The following KIAA1217 variants were observed in gnomAD, a reference collection of about 807,000 sequenced individuals.
KIAA1217 encodes sickle tail protein homolog.
In KIAA1217, 88 loss-of-function variants were observed where a neutral mutation model predicts 163.9. The observed-to-expected ratio is 0.54, with a 90% CI of 0.45 to 0.64. The LOEUF (loss-of-function observed/expected upper bound fraction) is 0.64, where lower values mean the gene tolerates loss of function less well. KIAA1217 is among the 30% of genes least tolerant of loss of function. The pLI is 0.00. For synonymous variants in KIAA1217, 903 were observed against 923.1 expected (o/e 0.98, Z 0.39); for missense variants, 2,372 against 2,475.0 (o/e 0.96, Z 0.88).
intron 2 of KIAA1217, among the ~76,000 whole-genome samples, chr10:24,260,233 G>A (rs2075587177): frequency 6.6e-6 from 1 of 152,142 alleles, no homozygotes; most frequent in Non-Finnish European, 1.5e-5. Flanking sequence ...TTTGAAGGAT[G>A]AGGAAGGGGA....
Position 24,334,215 on chromosome 10 carries a change from A to G in KIAA1217, c.355-46654A>G, listed in dbSNP as rs560270489. Among the ~76,000 whole-genome samples the G allele has an allele frequency of 6.6e-5, 10 of 152,284 alleles. No individual in the cohort carries two copies. The South Asian group carries it at 2.1e-3, about 32-fold the overall frequency. The stretch of plus-strand genomic sequence containing the variant: ...TCAACTATGCATCAAGATTAGTATT[A>G]GTTTTGGATGACTTAGTCTATTGCA... On this transcript the variant is annotated intron_variant, in intron 2 of 20. Coordinates refer to ENST00000376454, the MANE Select transcript of KIAA1217 (RefSeq NM_019590.5).
chr10:24,131,580 T>A (rs75061079), intron 2 of KIAA1217, among the ~76,000 whole-genome samples: 1,852 of 152,276 alleles, frequency 0.012, 37 homozygotes, highest in African/African-American at 0.043. Flanking sequence ...CCCATAATTA[T>A]GCCCGCTGTA....
At chr10:24,506,925 T>G (rs2068443473) in intron 9 of KIAA1217, among the ~76,000 whole-genome samples, 1 of 152,212 alleles carries the variant, frequency 6.6e-6, no homozygotes, top group Non-Finnish European at 1.5e-5. Context: ...AAGCCAAGCA[T>G]GTACAGTGTG....
chr10:24,507,195 A>G (rs2068484115), intron 9 of KIAA1217, among the ~76,000 whole-genome samples: 1 of 152,232 alleles, frequency 6.6e-6, no homozygotes, highest in Non-Finnish European at 1.5e-5. Context: ...CTGATCCACA[A>G]GTAACTGGAC....
intron 17 of KIAA1217, among the ~76,000 whole-genome samples, chr10:24,538,520 G>A: frequency 7.1e-6 from 1 of 140,766 alleles, no homozygotes; most frequent in African/African-American, 2.6e-5. Context: ...AAGAGAGAGA[G>A]ATATGGAGGG....
chr10:24,464,491 G>T (rs915181648), intron 5 of KIAA1217, among the ~76,000 whole-genome samples: 1 of 152,042 alleles, frequency 6.6e-6, no homozygotes, highest in African/African-American at 2.4e-5. Flanking sequence ...ACCCTTTGTT[G>T]CTTTTTTTTG....
intron 1 of KIAA1217, among the ~76,000 whole-genome samples, chr10:23,781,687 G>C (rs759211082): frequency 6.6e-6 from 1 of 152,166 alleles, no homozygotes; most frequent in African/African-American, 2.4e-5. Context: ...TTTCTTCTGA[G>C]AGTTCTGTGG....
At chr10:23,937,794 G>C (rs1843595026) in intron 1 of KIAA1217, among the ~76,000 whole-genome samples, 1 of 152,140 alleles carries the variant, frequency 6.6e-6, no homozygotes, top group East Asian at 1.9e-4. Flanking sequence ...AAGAAATAAT[G>C]ATTTTCAGAC....
intron 5 of KIAA1217, among the ~76,000 whole-genome samples, chr10:24,457,494 G>A (rs2061928450): frequency 6.6e-6 from 1 of 152,034 alleles, no homozygotes; most frequent in Non-Finnish European, 1.5e-5. Flanking sequence ...GAACTCCTGG[G>A]CTCAAGCCAT....
chr10:24,484,651 C>CT (rs2065163001), intron 6 of KIAA1217, among the ~76,000 whole-genome samples: 1 of 152,054 alleles, frequency 6.6e-6, no homozygotes. Flanking sequence ...CCTCGAACTC[C>CT]TGGGCTTAAG....
At chr10:23,908,008 T>C (rs779516564) in intron 1 of KIAA1217, among the ~76,000 whole-genome samples, 7 of 151,780 alleles carry the variant, frequency 4.6e-5, no homozygotes, top group Non-Finnish European at 1.0e-4. Flanking sequence ...TGAAGCCATA[T>C]TGGGTAATCA....
chr10:23,968,054 G>A lies in KIAA1217; in HGVS notation c.-320-39171G>A, dbSNP rs77111374. Among the ~76,000 whole-genome samples the A allele has an allele frequency of 3.1e-3, 477 of 151,556 alleles. 2 individuals carry two copies. The East Asian group carries it at 0.041, about 13-fold the overall frequency. ...GGTGGTTTGCTGCAACTATCAACCC[G>A]AATTTGACTCTATTAATTCTCCTGC... On this transcript the variant is annotated intron_variant, in intron 1 of 18. Coordinates refer to the KIAA1217 transcript ENST00000376462.
At chr10:24,047,707 G>A (rs1849141468) in intron 2 of KIAA1217, among the ~76,000 whole-genome samples, 1 of 152,112 alleles carries the variant, frequency 6.6e-6, no homozygotes, top group African/African-American at 2.4e-5. Context: ...AGCACATGTA[G>A]ATTGAGATCA....
In KIAA1217 at chr10:23,893,468, G is replaced by A. The variant is rs374537431; in HGVS notation, c.-320-113757G>A. Among the ~76,000 whole-genome samples the A allele has an allele frequency of 3.0e-4, 45 of 152,052 alleles. No individual in the cohort carries two copies. In the East Asian group the frequency reaches 8.4e-3, roughly 28 times the overall value. ...CTCCTGGATTCTTTAATTTTTTGAA[G>A]GGTTTTTTGTGTCTCTATTTCCTTC... is the stretch of plus-strand genomic sequence containing the variant. On this transcript the variant is annotated intron_variant, in intron 1 of 18. Transcript: ENST00000376462.
intron 2 of KIAA1217, among the ~76,000 whole-genome samples, chr10:24,359,628 T>G (rs2049677136): frequency 6.6e-6 from 1 of 152,208 alleles, no homozygotes; most frequent in African/African-American, 2.4e-5. Flanking sequence ...GCCCAGTTCT[T>G]TCTCTTTCCA....
At position 23,899,394 on chromosome 10, in the gene KIAA1217, A is replaced by T. The variant is rs566895396; in HGVS notation, c.-320-107831A>T. Among the ~76,000 whole-genome samples, 4 of 152,104 alleles carry T rather than the reference A, an allele frequency of 2.6e-5. No individual in the cohort carries two copies. The East Asian group carries it at 7.8e-4, about 30-fold the overall frequency. On this transcript the variant is annotated intron_variant, in intron 1 of 18. Coordinates refer to the KIAA1217 transcript ENST00000376462. The stretch of plus-strand genomic sequence containing the variant: ...GAAATAGTATCTCATTGTGGTTTTA[A>T]TTTGCATTTTTCTGATTGCTAATGA...
chr10:24,532,198 C>G (rs2073224692), intron 15 of KIAA1217, among the ~76,000 whole-genome samples: 2 of 152,188 alleles, frequency 1.3e-5, no homozygotes, highest in Admixed American at 1.3e-4. Context: ...CCTTATTTTA[C>G]TTTTAGCTGC....
At chr10:23,799,532 A>C (rs1836372899) in intron 1 of KIAA1217, among the ~76,000 whole-genome samples, 1 of 152,154 alleles carries the variant, frequency 6.6e-6, no homozygotes, top group Non-Finnish European at 1.5e-5. Flanking sequence ...ACGCTGCAGA[A>C]AGTGTGAAAA....
Position 24,289,761 on chromosome 10 carries a change from C to T in KIAA1217, c.354+69852C>T, listed in dbSNP as rs145275395. Among the ~76,000 whole-genome samples the T allele has an allele frequency of 4.4e-4, 67 of 152,092 alleles. 3 individuals carry two copies. The East Asian group carries it at 0.011, about 25-fold the overall frequency. ...GTAGTCTCAGTAATGACCAGCAACA[C>T]AGTGTGGGAACAGGAAAGGATGCTG... On this transcript the variant is annotated intron_variant, in intron 2 of 20. Coordinates refer to ENST00000376454, the MANE Select transcript of KIAA1217 (RefSeq NM_019590.5).
Sources: gnomAD v4.1 joint callset for allele counts (sites outside exome capture counted in the v4.1 genomes callset) on GRCh38, gnomAD v4.1.1 for gene constraint, MANE v1.5 for transcripts, NCBI Gene and HGNC (gene_info 2026-07-23, HGNC 2026-07-21) for gene names.